Variants in CCDC180 observed in about 807,000 individuals in gnomAD.
CCDC180 encodes the protein coiled-coil domain containing 180.
In CCDC180, 154 loss-of-function variants were observed where a neutral mutation model predicts 209.2. That is an observed-to-expected ratio of 0.74 (90% CI 0.65 to 0.84). The LOEUF is 0.84. Among genes scored for constraint, CCDC180 ranks in the 40% least tolerant of loss-of-function variants. CCDC180 has a pLI of 0.00. For synonymous variants in CCDC180, 778 were observed against 749.1 expected (o/e 1.04, Z -0.63); for missense variants, 1,874 against 1,997.3 (o/e 0.94, Z 1.18).
Position 97,377,038 on chromosome 9 carries a change from A to T in CCDC180, c.*144A>T. The T allele has an allele frequency of 1.1e-6, 1 of 888,036 alleles. No individual in the cohort carries two copies. The highest frequency in any genetic ancestry group is 3.0e-5 in the East Asian group (1 of 33,104). 55.0% of individuals were successfully genotyped at this position (888,036 alleles called of 1,614,324 possible). A position where few individuals can be genotyped will look rare whatever the true frequency, so the allele number is the denominator to read the frequency against. On this transcript the variant is annotated 3_prime_UTR_variant, in exon 37 of 37. Coordinates refer to ENST00000529487, the MANE Select transcript of CCDC180 (RefSeq NM_020893.6). ...CCGGGCACTGTAGCTTTACCAGCGA[A>T]CAGGACACAGCATGGTCCCTGCCCA... is the stretch of plus-strand genomic sequence containing the variant.
intron 18 of CCDC180, among the ~76,000 whole-genome samples, chr9:97,334,671 TC>T (rs1341035662): frequency 6.6e-6 from 1 of 152,178 alleles, no homozygotes; most frequent in African/African-American, 2.4e-5. Context: ...GGCTATTTTT[TC>T]CCACTGATGA....
rs1827276393 is a variant in CCDC180 at position 97,376,928 on chromosome 9, T to C, written c.*34T>C. 6.9e-6 allele frequency: 11 copies of C among 1,594,778 alleles called. No individual in the cohort carries two copies. Among genetic ancestry groups the C allele is most frequent in the Non-Finnish European group, 8.5e-6 (10 of 1,172,362 alleles). ...CCCACCATGAATAAACACTTTCTTA[T>C]ACAGACTCCTTCCCTGTCCATCTAC... On this transcript the variant is annotated 3_prime_UTR_variant, in exon 37 of 37. Transcript: ENST00000529487.
chr9:97,354,616 T>C lies in CCDC180; in HGVS notation c.3050T>C (p.Leu1017Pro), dbSNP rs988595540. The change falls in exon 23 of 37, where the codon CTG becomes CCG. Residue 1017 changes from leucine (L) to proline (P), a missense_variant. Transcript: ENST00000529487. ...TTTTCTCCTAAAGAAATCAATTCAC[T>C]GTGTTCCCGACTGGAGAAGGAAGCT... The part of the protein sequence containing the change: ...GNFSPKEINS[L>P]CSRLEKEAAR... The C allele has an allele frequency of 6.2e-7, 1 of 1,614,122 alleles. No homozygotes were observed. The highest frequency in any genetic ancestry group is 1.3e-5 in the African/African-American group (1 of 74,956).
chr9:97,349,321 C>T (rs1169004706), intron 21 of CCDC180, 30 bp downstream of exon 21: 2 of 1,520,756 alleles, frequency 1.3e-6, no homozygotes, highest in East Asian at 2.5e-5. Context: ...TCCACCCCAG[C>T]CATGTGGCTC....
At position 97,363,626 on chromosome 9, in the gene CCDC180, G is replaced by A. The variant is rs1260311403; in HGVS notation, c.3903-425G>A. 5 of 534,182 alleles carry A rather than the reference G, an allele frequency of 9.4e-6. No homozygotes were observed. In the East Asian group the frequency reaches 2.7e-4, roughly 29 times the overall value. The allele number at this position is 534,182 out of a possible 1,614,324, so 33.1% of individuals were successfully genotyped here. A position where few individuals can be genotyped will look rare whatever the true frequency, so the allele number is the denominator to read the frequency against. ...CATAAGTATGTCCCAAATACTGCAT[G>A]TGATACACTAATGCTGAAAATTACG... is the stretch of plus-strand genomic sequence containing the variant. On this transcript the variant is annotated intron_variant, in intron 28 of 36. Transcript: ENST00000529487.
In CCDC180 at chr9:97,314,492, GAC is replaced by G; in HGVS notation, c.562_563del (p.Thr188GlnfsTer3). On this transcript the variant is annotated frameshift_variant, in exon 6 of 37. Coordinates refer to ENST00000529487, the MANE Select transcript of CCDC180 (RefSeq NM_020893.6). LOFTEE classifies it high-confidence loss of function. Reference sequence around the variant, plus strand: ...CCGTCTCTTCCTAAAGGTGGAAAATGACACCAACCTTGAGGACTACACCATCC... The same window carrying G: ...CCGTCTCTTCCTAAAGGTGGAAAATGACCAACCTTGAGGACTACACCATCC... Reference protein sequence around the residue: ...MNRLFLKVENDTNLEDYTIQA... With the variant: ...MNRLFLKVENXTNLEDYTIQA... 6.2e-7 allele frequency: 1 copy of G among 1,614,140 alleles called. No homozygotes were observed. Among genetic ancestry groups the G allele is most frequent in the African/African-American group, 1.3e-5 (1 of 75,044 alleles).
At chr9:97,330,008 C>A (rs562862903) in intron 16 of CCDC180, 146 bp from the exon 17 acceptor site, 9 of 657,126 alleles carry the variant, frequency 1.4e-5, no homozygotes, top group Non-Finnish European at 2.3e-5. Flanking sequence ...GCGGAGCTTG[C>A]AGCGAACCAA....
At chr9:97,331,559 A>G (rs11794045) in intron 18 of CCDC180, among the ~76,000 whole-genome samples, 1,718 of 152,290 alleles carry the variant, frequency 0.011, 21 homozygotes, top group Non-Finnish European at 0.017. Flanking sequence ...TCTTGCCAGC[A>G]TCTGTTGTTT....
chr9:97,367,771 G>T (rs1425123691), intron 31 of CCDC180, among the ~76,000 whole-genome samples: 1 of 152,138 alleles, frequency 6.6e-6, no homozygotes, highest in Admixed American at 6.5e-5. Context: ...ACTGCGCCCA[G>T]CCAGAGCCTC....
At chr9:97,335,207 C>G (rs1825865456) in intron 18 of CCDC180, among the ~76,000 whole-genome samples, 1 of 151,148 alleles carries the variant, frequency 6.6e-6, no homozygotes, top group Admixed American at 6.6e-5. Context: ...ACTTTAAGTT[C>G]TAGGGTACAT....
At position 97,308,005 on chromosome 9, in the gene CCDC180, G is replaced by A; in HGVS notation, c.-59G>A. On this transcript the variant is annotated 5_prime_UTR_variant, in exon 2 of 37. Transcript: ENST00000529487. ...CAGGAATTGGAATTGAGACACCAAAGCCTAGACGCGTTTCCTGGACGACGG... is the reference window on the plus strand; with the variant it reads ...CAGGAATTGGAATTGAGACACCAAAACCTAGACGCGTTTCCTGGACGACGG... 6.2e-7 allele frequency: 1 copy of A among 1,607,328 alleles called. No homozygotes were observed. Among genetic ancestry groups the A allele is most frequent in the Non-Finnish European group, 8.5e-7 (1 of 1,176,884 alleles).
In CCDC180 at chr9:97,329,840, G is replaced by A. The variant is rs182595485; in HGVS notation, c.1789-314G>A. Among the ~76,000 whole-genome samples the A allele has an allele frequency of 5.1e-3, 776 of 152,210 alleles. 4 individuals are homozygous for A. The highest frequency in any genetic ancestry group is 0.018 in the African/African-American group (733 of 41,530). ...TCCCAGCACTTTGGGAGGCCGAGGC[G>A]GGCGGATCACGAGGTCAGGAGATGG... On this transcript the variant is annotated intron_variant, in intron 16 of 36. Transcript: ENST00000529487.
chr9:97,372,399 G>A (rs1451472739), intron 34 of CCDC180: 1 of 152,208 alleles, frequency 6.6e-6, no homozygotes, highest in Non-Finnish European at 1.5e-5. Flanking sequence ...CAATTTGTCA[G>A]TCCCTGTCAA....
chr9:97,353,121 C>T (rs1017876385), intron 22 of CCDC180, among the ~76,000 whole-genome samples: 3 of 152,072 alleles, frequency 2.0e-5, no homozygotes, highest in South Asian at 2.1e-4. Flanking sequence ...CTCAGCATCC[C>T]GAGTAGCTGG....
rs1276448649 is a variant in CCDC180 at position 97,314,729 on chromosome 9, G to A, written c.699+1G>A. On this transcript the variant is annotated splice_donor_variant, in intron 7 of 36. Coordinates refer to ENST00000529487, the MANE Select transcript of CCDC180 (RefSeq NM_020893.6). LOFTEE classifies it high-confidence loss of function. The stretch of plus-strand genomic sequence containing the variant: ...GCTGGAGTTCTCCCGAACCGATAAA[G>A]TAAGTCGGCTGCAGGTGGGCTGTGT... 2.5e-6 allele frequency: 4 copies of A among 1,613,424 alleles called. No homozygotes were observed. The South Asian group carries it at 3.3e-5, about 13-fold the overall frequency.
chr9:97,354,656 G>A lies in CCDC180; in HGVS notation c.3090G>A (p.Leu1030=). 6.2e-7 allele frequency: 1 copy of A among 1,614,222 alleles called. No individual in the cohort carries two copies. Among genetic ancestry groups the A allele is most frequent in the Non-Finnish European group, 8.5e-7 (1 of 1,180,032 alleles). ...AGAAGGAAGCTGCCCGGATAGAGTT[G>A]GTTGAAAGTGTCATCATGCTCAACA... The part of the protein sequence containing the change: ...RLEKEAARIE[L]VESVIMLNME... Residue 1030 remains leucine (L), a synonymous_variant, in exon 23 of 37, where the codon TTG becomes TTA. Coordinates refer to ENST00000529487, the MANE Select transcript of CCDC180 (RefSeq NM_020893.6).
At chr9:97,357,224 T>C (rs1182638598) in intron 24 of CCDC180, among the ~76,000 whole-genome samples, 2 of 152,146 alleles carry the variant, frequency 1.3e-5, no homozygotes, top group East Asian at 3.9e-4. Context: ...TTTACAGCCT[T>C]GGCTCTGCAC....
intron 9 of CCDC180, 132 bp from the exon 10 acceptor site, chr9:97,318,331 G>A: frequency 1.8e-6 from 2 of 1,093,604 alleles, no homozygotes; most frequent in Non-Finnish European, 1.3e-6. Context: ...GTCTGGGGAG[G>A]AAGGGGCTGG....
At chr9:97,337,063 A>G (rs1032933098) in intron 18 of CCDC180, among the ~76,000 whole-genome samples, 1 of 152,120 alleles carries the variant, frequency 6.6e-6, no homozygotes, top group Non-Finnish European at 1.5e-5. Context: ...GAGATTTTGG[A>G]CTGAGACAAT....
Sources: gnomAD v4.1 joint callset for allele counts (sites outside exome capture counted in the v4.1 genomes callset) on GRCh38, gnomAD v4.1.1 for gene constraint, MANE v1.5 for transcripts, NCBI Gene and HGNC (gene_info 2026-07-23, HGNC 2026-07-21) for gene names.